SYTL2: variants seen among roughly 807,000 people sequenced by gnomAD.
SYTL2 encodes synaptotagmin like 2.
SYTL2 carries 165 observed loss-of-function variants against 198.7 expected under a neutral mutation model. The observed-to-expected ratio is 0.83, with a 90% CI of 0.73 to 0.94. The LOEUF is 0.94. Ranked by LOEUF, SYTL2 falls within the 40% of genes least tolerant of loss-of-function variation. SYTL2 has a pLI of 0.00. For missense variants in SYTL2, 2,835 were observed against 2,582.8 expected, an observed-to-expected ratio of 1.10 and a Z score of -2.12; for synonymous variants, 966 against 917.7, an observed-to-expected ratio of 1.05 and a Z score of -0.95.
Position 85,694,714 on chromosome 11 carries a change from A to AT in SYTL2, c.*480dup, listed in dbSNP as rs11424605. On this transcript the variant is annotated 3_prime_UTR_variant, in exon 20 of 20. Transcript: ENST00000359152. ...CAGAGTAAATAGTTTCTTAAGGTCC[A>AT]TTTTTTTTTTTATCATCACTGATGT... 0.69 allele frequency: 103,729 copies of AT among 149,440 alleles called. 35,888 individuals carry two copies. Among genetic ancestry groups the AT allele is most frequent in the Middle Eastern group, 0.74 (209 of 284 alleles). 9.3% of individuals were successfully genotyped at this position (149,440 alleles called of 1,614,324 possible).
chr11:85,794,551 T>A (rs1370327674), intron 1 of SYTL2, among the ~76,000 whole-genome samples: 2 of 152,184 alleles, frequency 1.3e-5, no homozygotes, highest in African/African-American at 4.8e-5. Flanking sequence ...AAAGAGACTT[T>A]CATATCACCA....
At chr11:85,745,275 T>C (rs1458344756) in intron 4 of SYTL2, among the ~76,000 whole-genome samples, 2 of 152,228 alleles carry the variant, frequency 1.3e-5, no homozygotes, top group Non-Finnish European at 2.9e-5. Flanking sequence ...AATCTGATCA[T>C]AGTTTATCTT....
chr11:85,703,649 G>A (rs2084681313), intron 16 of SYTL2, among the ~76,000 whole-genome samples: 1 of 152,024 alleles, frequency 6.6e-6, no homozygotes, highest in African/African-American at 2.4e-5. Context: ...ACAACTCCAC[G>A]GATAAATCCA....
rs188149463 is a variant in SYTL2, at chr11:85,747,849, G to A, written c.253+423C>T. On this transcript the variant is annotated intron_variant, in intron 3 of 19. Transcript: ENST00000359152. ...TTTTCCATTAAAAAAATGTCTTTAC[G>A]GTCTCTTAAATAATGTACTTGGTTA... is the stretch of plus-strand genomic sequence containing the variant. 1.2e-3 allele frequency among the ~76,000 whole-genome samples: 189 copies of A among 152,022 alleles called. 1 individual carries two copies. Among genetic ancestry groups the A allele is most frequent in the Admixed American group, 2.7e-3 (41 of 15,276 alleles).
intron 1 of SYTL2, among the ~76,000 whole-genome samples, chr11:85,780,404 G>C (rs1012682881): frequency 2.6e-5 from 4 of 152,186 alleles, no homozygotes; most frequent in Non-Finnish European, 4.4e-5. Flanking sequence ...CTTCAGAATG[G>C]GGGCTGGTCA....
At chr11:85,720,986 C>T (rs2088221468) in intron 8 of SYTL2, 27 bp from the exon 9 acceptor site, 1 of 1,371,890 alleles carries the variant, frequency 7.3e-7, no homozygotes, top group Non-Finnish European at 1.0e-6. Flanking sequence ...TCGATGAACA[C>T]TGCACAATAC....
chr11:85,771,601 G>T (rs1204000300), intron 1 of SYTL2, among the ~76,000 whole-genome samples: 2 of 152,082 alleles, frequency 1.3e-5, no homozygotes, highest in African/African-American at 4.8e-5. Context: ...CGCTTTCAAG[G>T]CATTCCCTGA....
intron 5 of SYTL2, among the ~76,000 whole-genome samples, chr11:85,737,129 A>G (rs2090410243): frequency 1.3e-5 from 2 of 152,218 alleles, no homozygotes; most frequent in African/African-American, 2.4e-5. Context: ...AAATGGTATC[A>G]ATAGAGGTTT....
At chr11:85,846,055 T>C in the SYTL2 span, among the ~76,000 whole-genome samples, 3 of 152,220 alleles carry the variant, frequency 2.0e-5, no homozygotes, top group African/African-American at 7.2e-5. Flanking sequence ...ACTTAGAGGA[T>C]GGATGGGCCA....
At chr11:85,794,114 C>T (rs2092770042) in intron 1 of SYTL2, among the ~76,000 whole-genome samples, 1 of 152,122 alleles carries the variant, frequency 6.6e-6, no homozygotes, top group Admixed American at 6.5e-5. Context: ...AAGCAACTCT[C>T]CCACCTCAGC....
intron 1 of SYTL2, among the ~76,000 whole-genome samples, chr11:85,778,693 G>A (rs188899949): frequency 6.6e-6 from 1 of 152,204 alleles, no homozygotes. Flanking sequence ...TTTAAAATAA[G>A]GCTGGGCGTG....
intron 1 of SYTL2, among the ~76,000 whole-genome samples, chr11:85,787,134 A>G (rs551317270): frequency 6.6e-6 from 1 of 152,184 alleles, no homozygotes; most frequent in Non-Finnish European, 1.5e-5. Context: ...TAGCAAGTGC[A>G]TACATAGCTT....
chr11:85,810,974 G>A lies in SYTL2; in HGVS notation c.-410C>T, dbSNP rs973347701. 2 of 152,268 alleles carry A rather than the reference G, an allele frequency of 1.3e-5. No homozygotes were observed. Among genetic ancestry groups the A allele is most frequent in the Non-Finnish European group, 2.9e-5 (2 of 68,070 alleles). The allele number at this position is 152,268 out of a possible 1,614,324, so 9.4% of individuals were successfully genotyped here. ...CGCACCTCCGAGTCGCTGCCGGGCA[G>A]GGAGCGCGCCTCGCCGTCTCTCTTG... On this transcript the variant is annotated 5_prime_UTR_variant, in exon 1 of 20. Transcript: ENST00000359152.
At chr11:85,735,865 T>C (rs2090293646) in intron 6 of SYTL2, among the ~76,000 whole-genome samples, 1 of 152,246 alleles carries the variant, frequency 6.6e-6, no homozygotes, top group Non-Finnish European at 1.5e-5. Context: ...AGTATTTTAA[T>C]ATTCAGACAG....
Position 85,695,120 on chromosome 11 carries a change from C to A in SYTL2, c.*75G>T. On this transcript the variant is annotated 3_prime_UTR_variant, in exon 20 of 20. Transcript: ENST00000359152. The stretch of plus-strand genomic sequence containing the variant: ...ATAGATAGAAAGTGAGGATATTTGT[C>A]CACCTACTCAGATTTTCAAGATCAG... The A allele has an allele frequency of 6.9e-7, 1 of 1,456,678 alleles. No homozygotes were observed. Among genetic ancestry groups the A allele is most frequent in the South Asian group, 1.3e-5 (1 of 76,274 alleles). 90.2% of individuals were successfully genotyped at this position (1,456,678 alleles called of 1,614,324 possible). A position where few individuals can be genotyped will look rare whatever the true frequency, so the allele number is the denominator to read the frequency against.
At position 85,704,851 on chromosome 11, in the gene SYTL2, G is replaced by A. The variant is rs1265628999; in HGVS notation, c.6189+7C>T. The stretch of plus-strand genomic sequence containing the variant: ...CCAAATAAACAAACAAAAAATTCCG[G>A]ACTCACCTTCCGCTTCAGAGGGTAC... On this transcript the variant is annotated splice_region_variant and intron_variant, in intron 16 of 19. Transcript: ENST00000359152. 1 of 1,609,706 alleles carries A rather than the reference G, an allele frequency of 6.2e-7. No individual in the cohort carries two copies. The highest frequency in any genetic ancestry group is 8.5e-7 in the Non-Finnish European group (1 of 1,177,408).
chr11:85,696,407 T>C lies in SYTL2; in HGVS notation c.6369-19A>G, dbSNP rs754727652. 6.3e-7 allele frequency: 1 copy of C among 1,593,052 alleles called. No individual in the cohort carries two copies. The highest frequency in any genetic ancestry group is 8.6e-7 in the Non-Finnish European group (1 of 1,160,860). On this transcript the variant is annotated intron_variant, in intron 18 of 19. Transcript: ENST00000359152. ...GATGGTACTACAAAAAGAGGCATGA[T>C]TGTGGGAGCATTTTAGTAAGATAGT... is the stretch of plus-strand genomic sequence containing the variant.
chr11:85,709,236 C>T, intron 14 of SYTL2, 95 bp downstream of exon 14: 1 of 1,217,734 alleles, frequency 8.2e-7, no homozygotes. Context: ...TAACACATAC[C>T]CTCCCTCCTC....
At chr11:85,700,257 G>A (rs2153372363) in intron 17 of SYTL2, among the ~76,000 whole-genome samples, 1 of 151,504 alleles carries the variant, frequency 6.6e-6, no homozygotes, top group Middle Eastern at 3.5e-3. Flanking sequence ...CCAACAGTGT[G>A]AATATACTTA....
Sources: allele counts gnomAD v4.1 joint callset (sites outside exome capture counted in the v4.1 genomes callset), GRCh38; gene constraint gnomAD v4.1.1; transcripts MANE v1.5; gene names NCBI Gene and HGNC (gene_info 2026-07-23, HGNC 2026-07-21).